Variants in PCDH15 observed in about 807,000 individuals in gnomAD.
The protein encoded by PCDH15 is protocadherin-15.
Under a neutral mutation model 178.5 loss-of-function variants are expected in PCDH15, and 129 were observed. That is an observed-to-expected ratio of 0.72 (90% CI 0.63 to 0.84). The LOEUF (loss-of-function observed/expected upper bound fraction) is 0.84. PCDH15 is among the 40% of genes least tolerant of loss of function. The pLI is 0.00. For synonymous variants in PCDH15, 800 were observed against 732.0 expected (o/e 1.09, Z -1.50); for missense variants, 2,230 against 2,099.9 (o/e 1.06, Z -1.21).
At chr10:54,838,201 T>C (rs1953352905) in intron 3 of PCDH15, among the ~76,000 whole-genome samples, 1 of 152,056 alleles carries the variant, frequency 6.6e-6, no homozygotes, top group Admixed American at 6.6e-5. Flanking sequence ...TGATATGGTT[T>C]GACTCTATGT....
chr10:55,385,771 G>A (rs961514008), intron 2 of PCDH15, among the ~76,000 whole-genome samples: 12 of 134,134 alleles, frequency 8.9e-5, no homozygotes, highest in East Asian at 2.1e-4. Flanking sequence ...AGATATATAC[G>A]TATATAGATA....
intron 3 of PCDH15, among the ~76,000 whole-genome samples, chr10:54,388,505 T>A (rs1009889178): frequency 6.6e-6 from 1 of 152,126 alleles, no homozygotes; most frequent in African/African-American, 2.4e-5. Context: ...GACCTCTAAT[T>A]TAAAGCATAC....
chr10:54,959,258 GA>G (rs1838579182), intron 2 of PCDH15, among the ~76,000 whole-genome samples: 1 of 151,784 alleles, frequency 6.6e-6, no homozygotes, highest in Non-Finnish European at 1.5e-5. Flanking sequence ...ATAGGTAATG[GA>G]AAAATATAAG....
chr10:54,125,151 T>G (rs573640700), intron 15 of PCDH15, among the ~76,000 whole-genome samples: 21 of 141,302 alleles, frequency 1.5e-4, no homozygotes, highest in Non-Finnish European at 2.2e-4. Context: ...AAATGTGTGG[T>G]TTTTTTTTTC....
At chr10:55,331,424 A>G (rs1316868965) in intron 2 of PCDH15, among the ~76,000 whole-genome samples, 2 of 151,926 alleles carry the variant, frequency 1.3e-5, no homozygotes, top group Non-Finnish European at 2.9e-5. Flanking sequence ...TTTTTAGTAT[A>G]GTAATAGTAA....
chr10:54,679,134 G>C (rs1389472680), intron 1 of PCDH15, among the ~76,000 whole-genome samples: 1 of 144,414 alleles, frequency 6.9e-6, no homozygotes, highest in African/African-American at 2.6e-5. Flanking sequence ...AGCTTGCAGT[G>C]AGCCGAGATT....
chr10:54,258,838 G>T (rs2057106131), intron 8 of PCDH15, among the ~76,000 whole-genome samples: 2 of 152,020 alleles, frequency 1.3e-5, no homozygotes, highest in South Asian at 4.1e-4. Context: ...CAATTTTCGT[G>T]ATATAACTCA....
At chr10:55,122,612 A>G (rs953203243) in intron 2 of PCDH15, among the ~76,000 whole-genome samples, 1 of 152,160 alleles carries the variant, frequency 6.6e-6, no homozygotes, top group African/African-American at 2.4e-5. Flanking sequence ...ATCGACTGGA[A>G]TGCTGAAATC....
chr10:54,747,480 A>T (rs74136260), intron 1 of PCDH15, among the ~76,000 whole-genome samples: 5,358 of 152,242 alleles, frequency 0.035, 335 homozygotes, highest in African/African-American at 0.12. Flanking sequence ...GTTCCTAAGG[A>T]CTCTTACACC....
At chr10:55,288,529 C>T (rs1017137132) in intron 1 of PCDH15, among the ~76,000 whole-genome samples, 2 of 151,890 alleles carry the variant, frequency 1.3e-5, no homozygotes, top group African/African-American at 4.8e-5. Context: ...CTAATATCTT[C>T]CTACTTCTCC....
intron 2 of PCDH15, among the ~76,000 whole-genome samples, chr10:54,650,830 T>C (rs12573175): frequency 0.01 from 1,591 of 152,216 alleles, 67 homozygotes; most frequent in Admixed American, 0.073. Context: ...ACAGCCACCA[T>C]GATTCAATTA....
chr10:54,779,510 GTGTGTATATATATA>G (rs1566223505), intron 1 of PCDH15, among the ~76,000 whole-genome samples: 2 of 136,000 alleles, frequency 1.5e-5, no homozygotes, highest in Non-Finnish European at 3.2e-5. Context: ...ACACATATAT[GTGTGTATATATATA>G]TACACACACA....
chr10:54,487,553 T>C (rs1347202466), intron 3 of PCDH15, among the ~76,000 whole-genome samples: 2 of 152,100 alleles, frequency 1.3e-5, no homozygotes, highest in Non-Finnish European at 1.5e-5. Context: ...TGAGGTTTAT[T>C]TAAGTACTCA....
intron 8 of PCDH15, among the ~76,000 whole-genome samples, chr10:54,300,797 T>C (rs2060104833): frequency 6.6e-6 from 1 of 152,146 alleles, no homozygotes; most frequent in South Asian, 2.1e-4. Context: ...GCTAAAGGAT[T>C]GTAAATGCAC....
intron 18 of PCDH15, among the ~76,000 whole-genome samples, chr10:54,049,402 A>C (rs369539065): frequency 1.3e-5 from 2 of 152,098 alleles, no homozygotes; most frequent in African/African-American, 4.8e-5. Flanking sequence ...TTCTGGTAAT[A>C]TGTTAAATAG....
At chr10:55,093,602 T>C (rs1591897916) in intron 2 of PCDH15, among the ~76,000 whole-genome samples, 1 of 152,248 alleles carries the variant, frequency 6.6e-6, no homozygotes, top group Admixed American at 6.6e-5. Flanking sequence ...AGTGTTTTTA[T>C]GGTTTTAGGT....
intron 2 of PCDH15, among the ~76,000 whole-genome samples, chr10:55,444,529 AAAAT>A (rs1460832358): frequency 7.2e-5 from 11 of 152,130 alleles, no homozygotes; most frequent in Non-Finnish European, 2.9e-5. Context: ...TAGTAAAAGA[AAAAT>A]AAAAACATTT....
chr10:55,559,213 A>G (rs1445298070), intron 2 of PCDH15, among the ~76,000 whole-genome samples: 1 of 152,048 alleles, frequency 6.6e-6, no homozygotes, highest in Non-Finnish European at 1.5e-5. Context: ...CCAAATGTAT[A>G]CCAATATAGT....
intron 1 of PCDH15, among the ~76,000 whole-genome samples, chr10:55,302,940 C>T (rs1843322709): frequency 6.6e-6 from 1 of 152,178 alleles, no homozygotes; most frequent in South Asian, 2.1e-4. Flanking sequence ...ATGCAAAGAC[C>T]TTGAGTGATC....
Sources: allele counts gnomAD v4.1 joint callset (sites outside exome capture counted in the v4.1 genomes callset), GRCh38; gene constraint gnomAD v4.1.1; transcripts MANE v1.5; gene names NCBI Gene and HGNC (gene_info 2026-07-23, HGNC 2026-07-21).